Variants in SLIT1 observed in about 807,000 individuals in gnomAD.
The protein encoded by SLIT1 is slit guidance ligand 1.
A neutral mutation model predicts 186.1 loss-of-function variants in SLIT1; 66 were observed. That is an observed-to-expected ratio of 0.35 (90% CI 0.29 to 0.44). The LOEUF (loss-of-function observed/expected upper bound fraction) is 0.44. SLIT1 is among the 20% of genes least tolerant of loss of function. SLIT1 has a pLI of 1.00. For synonymous variants in SLIT1, 761 were observed against 833.8 expected, an observed-to-expected ratio of 0.91 and a Z score of 1.50; for missense variants, 1,638 against 2,037.4, an observed-to-expected ratio of 0.80 and a Z score of 3.77.
At chr10:97,166,111 A>G (rs995773779) in intron 1 of SLIT1, among the ~76,000 whole-genome samples, 1 of 152,094 alleles carries the variant, frequency 6.6e-6, no homozygotes, top group African/African-American at 2.4e-5. Flanking sequence ...CCTGCAGCCC[A>G]GTCTTCTCAC....
At chr10:97,020,794 AG>A (rs1392924921) in intron 26 of SLIT1, among the ~76,000 whole-genome samples, 1 of 152,230 alleles carries the variant, frequency 6.6e-6, no homozygotes, top group Non-Finnish European at 1.5e-5. Context: ...CCCACAGTGG[AG>A]GGTCCCGGGG....
intron 4 of SLIT1, among the ~76,000 whole-genome samples, chr10:97,098,773 A>G (rs1849318359): frequency 6.6e-6 from 1 of 152,228 alleles, no homozygotes; most frequent in Non-Finnish European, 1.5e-5. Flanking sequence ...TCACGAGGCC[A>G]CAATAGTCCT....
At chr10:97,129,488 A>G (rs1282819090) in intron 4 of SLIT1, among the ~76,000 whole-genome samples, 1 of 152,178 alleles carries the variant, frequency 6.6e-6, no homozygotes, top group Non-Finnish European at 1.5e-5. Context: ...GATCTCAGTT[A>G]GGACCCACAA....
At chr10:97,090,600 G>A (rs531693222) in intron 4 of SLIT1, among the ~76,000 whole-genome samples, 34 of 152,182 alleles carry the variant, frequency 2.2e-4, no homozygotes, top group East Asian at 1.9e-4. Flanking sequence ...AGGGTGTTGG[G>A]GGGGGCAGTG....
At chr10:97,011,691 C>G (rs1848412001) in intron 30 of SLIT1, among the ~76,000 whole-genome samples, 1 of 152,122 alleles carries the variant, frequency 6.6e-6, no homozygotes, top group South Asian at 2.1e-4. Flanking sequence ...TCCCTTTGGG[C>G]TCCTGTCTGC....
At chr10:97,023,690 C>T (rs1046928762) in intron 25 of SLIT1, among the ~76,000 whole-genome samples, 4 of 152,288 alleles carry the variant, frequency 2.6e-5, no homozygotes, top group Non-Finnish European at 4.4e-5. Flanking sequence ...TTCCTGTAAT[C>T]GCAGCACTGT....
intron 3 of SLIT1, among the ~76,000 whole-genome samples, chr10:97,162,001 A>T (rs1850034126): frequency 1.3e-5 from 2 of 152,206 alleles, no homozygotes; most frequent in African/African-American, 4.8e-5. Flanking sequence ...CCTGGCATAG[A>T]GTGGTGGTAG....
At chr10:97,075,377 C>T (rs1330929516) in intron 4 of SLIT1, among the ~76,000 whole-genome samples, 2 of 152,200 alleles carry the variant, frequency 1.3e-5, no homozygotes, top group Non-Finnish European at 2.9e-5. Context: ...TGCCATTGCC[C>T]ACACTTTAAT....
chr10:97,154,481 C>CT (rs149281259), intron 4 of SLIT1: 7,672 of 152,358 alleles, frequency 0.05, 242 homozygotes, highest in East Asian at 0.13. Context: ...CCAAATCCTG[C>CT]TATGCTCCTG....
At chr10:97,079,695 G>A (rs1278631946) in intron 4 of SLIT1, among the ~76,000 whole-genome samples, 3 of 152,218 alleles carry the variant, frequency 2.0e-5, no homozygotes, top group African/African-American at 7.2e-5. Flanking sequence ...AGGGACTGGG[G>A]CCAGCTTCCA....
At position 97,014,168 on chromosome 10, in the gene SLIT1, G is replaced by A; in HGVS notation, c.2970-10C>T. The stretch of plus-strand genomic sequence containing the variant: ...GGTGGGACAGGAGCACCTGTGCGGG[G>A]AAGGGGAGGATGGAGAGACAGCCCT... On this transcript the variant is annotated splice_polypyrimidine_tract_variant and intron_variant, in intron 28 of 36. Coordinates refer to ENST00000266058, the MANE Select transcript of SLIT1 (RefSeq NM_003061.3). 1 of 1,612,914 alleles carries A rather than the reference G, an allele frequency of 6.2e-7. No homozygotes were observed. Among genetic ancestry groups the A allele is most frequent in the Non-Finnish European group, 8.5e-7 (1 of 1,179,984 alleles).
chr10:97,076,008 C>A (rs1440176398), intron 4 of SLIT1, among the ~76,000 whole-genome samples: 1 of 152,134 alleles, frequency 6.6e-6, no homozygotes, highest in Non-Finnish European at 1.5e-5. Context: ...GAGCAGCTAC[C>A]AACCCCTCAG....
chr10:97,031,063 A>G (rs1344532934), intron 24 of SLIT1, among the ~76,000 whole-genome samples: 19 of 152,202 alleles, frequency 1.2e-4, no homozygotes, highest in Admixed American at 1.2e-3. Flanking sequence ...TGTTTACATT[A>G]CAAACAGGAC....
chr10:97,019,039 T>C lies in SLIT1; in HGVS notation c.2815A>G (p.Thr939Ala). 1.3e-6 allele frequency: 2 copies of C among 1,569,726 alleles called. No homozygotes were observed. The highest frequency in any genetic ancestry group is 2.7e-5 in the African/African-American group (2 of 74,430). The change falls in exon 27 of 37, where the codon ACC (threonine) becomes GCC (alanine). Residue 939 changes from threonine to alanine, a missense_variant. Around this residue, in one of 3 missense-constraint regions of SLIT1, gnomAD observed 1,245 missense variants for 1,535.3 expected, o/e 0.81. Coordinates refer to ENST00000266058, the MANE Select transcript of SLIT1 (RefSeq NM_003061.3). ...CLSSPCQNQG[T>A]CHNDPLEVYR... is the part of the protein sequence containing the mutation. ...ACCTCAAGGGGGTCGTTGTGGCAGG[T>C]GCCCTGGTTCTGGCACGGACTGGAC... is the stretch of plus-strand genomic sequence containing the variant.
chr10:97,166,878 G>A (rs1169014743), intron 1 of SLIT1, among the ~76,000 whole-genome samples: 1 of 152,130 alleles, frequency 6.6e-6, no homozygotes, highest in African/African-American at 2.4e-5. Context: ...CCTTCCCAAG[G>A]TCACCTGCTG....
intron 3 of SLIT1, among the ~76,000 whole-genome samples, chr10:97,161,912 C>T (rs897365519): frequency 2.6e-5 from 4 of 152,198 alleles, no homozygotes. Flanking sequence ...CTCTCTTTCT[C>T]ATCTGTGAAA....
intron 4 of SLIT1, chr10:97,102,326 C>A (rs1164500091): frequency 6.8e-6 from 1 of 146,932 alleles, no homozygotes; most frequent in Non-Finnish European, 1.5e-5. Context: ...GAGGCTGAAG[C>A]AGGAGAGTCG....
chr10:97,113,847 C>A (rs1356987171), intron 4 of SLIT1, among the ~76,000 whole-genome samples: 2 of 152,228 alleles, frequency 1.3e-5, no homozygotes, highest in Non-Finnish European at 2.9e-5. Flanking sequence ...TGAGCCCGGC[C>A]TCTTTTAAGA....
At position 97,174,510 on chromosome 10, in the gene SLIT1, C is replaced by T. The variant is rs142671050; in HGVS notation, c.198-9620G>A. Among the ~76,000 whole-genome samples, 788 of 152,332 alleles carry T rather than the reference C, an allele frequency of 5.2e-3. 2 individuals carry two copies. The highest frequency in any genetic ancestry group is 8.8e-3 in the Non-Finnish European group (597 of 68,022). ...CCAGACACCAACTCCAGCCTGGGAC[C>T]ACCCTCTGACATGTGACCAGTGGGG... On this transcript the variant is annotated intron_variant, in intron 1 of 36. Coordinates refer to ENST00000266058, the MANE Select transcript of SLIT1 (RefSeq NM_003061.3).
Sources: gnomAD v4.1 joint callset for allele counts (sites outside exome capture counted in the v4.1 genomes callset) on GRCh38, gnomAD v4.1.1 for gene constraint, gnomAD v4.1.1 regional missense constraint, MANE v1.5 for transcripts, NCBI Gene and HGNC (gene_info 2026-07-23, HGNC 2026-07-21) for gene names.